The following LMLN variants were observed in gnomAD, a reference collection of about 807,000 sequenced individuals.
The protein encoded by LMLN is leishmanolysin like peptidase, also known as leishmanolysin-like peptidase.
Under a neutral mutation model 92.3 loss-of-function variants are expected in LMLN, and 70 were observed. The observed-to-expected ratio is 0.76, with a 90% confidence interval of 0.63 to 0.92. The LOEUF (loss-of-function observed/expected upper bound fraction) is 0.92. Among genes scored for constraint, LMLN ranks in the 40% least tolerant of loss-of-function variants. The pLI is 0.00. For missense variants in LMLN, 691 were observed against 814.6 expected, an observed-to-expected ratio of 0.85 and a Z score of 1.85; for synonymous variants, 308 against 296.2, an observed-to-expected ratio of 1.04 and a Z score of -0.41.
chr3:198,021,744 GA>G (rs1722789965), intron 13 of LMLN, 139 bp downstream of exon 14: 2 of 658,338 alleles, frequency 3.0e-6, no homozygotes, highest in Non-Finnish European at 5.0e-6. Context: ...CCATATGTAA[GA>G]AGTGACTTAA....
At chr3:197,971,944 C>CTTTTTTTTTT (rs756710031) in intron 1 of LMLN, among the ~76,000 whole-genome samples, 144 of 81,124 alleles carry the variant, frequency 1.8e-3, no homozygotes, top group East Asian at 4.6e-3. Context: ...AGTCTCTGTT[C>CTTTTTTTTTT]TTTTTTTTTT....
chr3:197,968,872 C>T (rs1164128861), intron 1 of LMLN, among the ~76,000 whole-genome samples: 1 of 152,234 alleles, frequency 6.6e-6, no homozygotes, highest in African/African-American at 2.4e-5. Flanking sequence ...ACTATGAACT[C>T]ATAAACTTTG....
In LMLN at chr3:198,031,968, G is replaced by C. The variant is rs1723089640; in HGVS notation, c.1657-3865G>C. On this transcript the variant is annotated intron_variant, in intron 14 of 15. Coordinates refer to ENST00000330198, the Ensembl canonical transcript of LMLN. This position sits in a 1 kb window ranked among gnomAD's most constrained non-coding sequence, Gnocchi z 4.8. The stretch of plus-strand genomic sequence containing the variant: ...AATACAAAAATTAGCCCGGTGTGGT[G>C]GTGGGCGCCTGTAATTCCAGCTACA... Among the ~76,000 whole-genome samples, 1 of 151,972 alleles carries C rather than the reference G, an allele frequency of 6.6e-6. No homozygotes were observed. Among genetic ancestry groups the C allele is most frequent in the South Asian group, 2.1e-4 (1 of 4,784 alleles).
chr3:197,985,417 A>ACG (rs1721677946), intron 7 of LMLN, among the ~76,000 whole-genome samples: 1 of 151,834 alleles, frequency 6.6e-6, no homozygotes, highest in African/African-American at 2.4e-5. Flanking sequence ...ACACACACAC[A>ACG]CACACACACA....
intron 9 of LMLN, among the ~76,000 whole-genome samples, chr3:197,992,187 A>C (rs147169844): frequency 6.6e-6 from 1 of 151,826 alleles, no homozygotes; most frequent in Non-Finnish European, 1.5e-5. Flanking sequence ...CACACATCCT[A>C]TTGGTTCTGT....
chr3:198,035,329 A>C (rs1348710196), intron 14 of LMLN, among the ~76,000 whole-genome samples: 1 of 150,462 alleles, frequency 6.6e-6, no homozygotes, highest in Non-Finnish European at 1.5e-5. Context: ...CACAGAGTGT[A>C]ATTCTTTTAG....
chr3:198,036,838 T>C (rs74652342), intron 15 of LMLN, among the ~76,000 whole-genome samples: 6,423 of 152,326 alleles, frequency 0.042, 182 homozygotes, highest in East Asian at 0.097. Context: ...TTTCAGATTA[T>C]GAACAATAAA....
chr3:197,996,393 C>T, intron 10 of LMLN, 111 bp downstream of exon 10: 2 of 579,866 alleles, frequency 3.4e-6, no homozygotes, highest in Non-Finnish European at 5.8e-6. Flanking sequence ...GTCCCTTTAC[C>T]CCTTCAGCTC....
At position 198,025,834 on chromosome 3, in the gene LMLN, T is replaced by C. The variant is rs1027926426; in HGVS notation, c.1656+1046T>C. Among the ~76,000 whole-genome samples the C allele has an allele frequency of 2.0e-5, 3 of 152,212 alleles. No homozygotes were observed. The highest frequency in any genetic ancestry group is 7.2e-5 in the African/African-American group (3 of 41,464). ...GGGAGGACAGCGTAAGCCTGAGAAA[T>C]GCAGAATCAGCATTCCTGTGCCATT... On this transcript the variant is annotated intron_variant, in intron 14 of 15. Transcript: ENST00000330198. The surrounding 1 kb of genome is among the most constrained non-coding windows in gnomAD (Gnocchi z 4.3).
At chr3:198,006,864 C>G (rs1722308941) in intron 11 of LMLN, among the ~76,000 whole-genome samples, 1 of 152,116 alleles carries the variant, frequency 6.6e-6, no homozygotes, top group African/African-American at 2.4e-5. Flanking sequence ...AGGCACGTAC[C>G]ACTATGTCTG....
intron 5 of LMLN, 154 bp from the exon 6 acceptor site, chr3:197,980,172 G>A (rs1721515066): frequency 5.5e-6 from 3 of 541,452 alleles, no homozygotes; most frequent in Non-Finnish European, 9.8e-6. Context: ...GCTAGGTATT[G>A]AGTAGACAGG....
At chr3:197,980,648 G>T in intron 6 of LMLN, 144 bp downstream of exon 6, 1 of 748,884 alleles carries the variant, frequency 1.3e-6, no homozygotes, top group Non-Finnish European at 2.2e-6. Flanking sequence ...CCTGGGTTTG[G>T]AGTGGGGTTA....
At chr3:197,987,180 G>T (rs7616550) in intron 8 of LMLN, among the ~76,000 whole-genome samples, 28,335 of 127,294 alleles carry the variant, frequency 0.22, 4,483 homozygotes, top group African/African-American at 0.47. Context: ...TTTTTTTTGA[G>T]ACGGAGTCTC....
At chr3:198,008,611 C>T (rs1722355346) in intron 11 of LMLN, among the ~76,000 whole-genome samples, 1 of 152,290 alleles carries the variant, frequency 6.6e-6, no homozygotes, top group Middle Eastern at 3.4e-3. Context: ...CCTGTAGTCC[C>T]AGCTACTCAG....
At chr3:198,001,941 C>T (rs1722185675) in intron 11 of LMLN, among the ~76,000 whole-genome samples, 1 of 152,174 alleles carries the variant, frequency 6.6e-6, no homozygotes, top group Non-Finnish European at 1.5e-5. Context: ...GCGTGAGCCA[C>T]TGCGCCCAGC....
chr3:197,979,364 C>G (rs1371990373), intron 5 of LMLN, among the ~76,000 whole-genome samples: 214 of 152,218 alleles, frequency 1.4e-3, no homozygotes, highest in African/African-American at 5.1e-3. Context: ...AAAAAAGTGA[C>G]CATTACAGAG....
intron 1 of LMLN, among the ~76,000 whole-genome samples, chr3:197,960,664 C>A (rs1720839422): frequency 6.6e-6 from 1 of 152,172 alleles, no homozygotes; most frequent in African/African-American, 2.4e-5. Context: ...TTGTGCTTAG[C>A]AGTAGCCCTC....
intron 9 of LMLN, among the ~76,000 whole-genome samples, chr3:197,991,367 A>G (rs1721864413): frequency 6.6e-6 from 1 of 151,996 alleles, no homozygotes; most frequent in Admixed American, 6.6e-5. Flanking sequence ...CAGCCTCCCA[A>G]AGTGCTGGGA....
intron 14 of LMLN, among the ~76,000 whole-genome samples, chr3:198,034,113 CT>C (rs1290464559): frequency 3.9e-5 from 6 of 152,188 alleles, no homozygotes; most frequent in Non-Finnish European, 8.8e-5. Flanking sequence ...CTTTGCTGGA[CT>C]TGCTTCTGGG....
Sources: gnomAD v4.1 joint callset for allele counts (sites outside exome capture counted in the v4.1 genomes callset) on GRCh38, gnomAD v4.1.1 for gene constraint, Gnocchi (gnomAD v3.1) non-coding constraint, MANE v1.5 for transcripts, NCBI Gene and HGNC (gene_info 2026-07-23, HGNC 2026-07-21) for gene names.